CENPI: variants seen among roughly 807,000 people sequenced by gnomAD.
CENPI encodes the protein FSH primary response 1.
A neutral mutation model predicts 60.4 loss-of-function variants in CENPI; 4 were observed. The ratio of observed to expected loss-of-function variants is 0.07; its 90% CI spans 0.03 to 0.15. CENPI has a LOEUF of 0.15. Ranked by LOEUF, CENPI falls within the 10% of genes least tolerant of loss-of-function variation. The pLI, the probability that CENPI is intolerant of heterozygous loss-of-function variation, is 1.00. For synonymous variants in CENPI, 157 were observed against 189.4 expected (o/e 0.83, Z 1.40); for missense variants, 444 against 534.5 (o/e 0.83, Z 1.67).
chrX:101,113,248 G>C (rs1316159016), intron 6 of CENPI, among the ~76,000 whole-genome samples: 1 of 102,286 alleles, frequency 9.8e-6, no homozygotes, highest in African/African-American at 3.6e-5. Flanking sequence ...GTTGTTGTCT[G>C]GTTTTAGTTT....
At chrX:101,175,886 A>T in the CENPI span, among the ~76,000 whole-genome samples, 824 of 111,344 alleles carry the variant, frequency 7.4e-3, 8 homozygotes, top group African/African-American at 0.025. Flanking sequence ...TATTCCTTCT[A>T]TCTAACTGAA....
intron 8 of CENPI, among the ~76,000 whole-genome samples, chrX:101,124,090 AGTGTGTGTGTGTGTGTGTGTGTGTGTGT>A (rs397842781): frequency 6.8e-5 from 6 of 88,259 alleles, no homozygotes; most frequent in Non-Finnish European, 1.3e-4. Context: ...TATAGAATCA[AGTGTGTGTGTGTGTGTGTGTGTGTGTGT>A]GTGTGTGTGT....
At chrX:101,147,231 T>G (rs1451588723) in intron 18 of CENPI, among the ~76,000 whole-genome samples, 1 of 111,340 alleles carries the variant, frequency 9.0e-6, no homozygotes, top group Non-Finnish European at 1.9e-5. Flanking sequence ...TTTTTTATTA[T>G]TTTACTTTAA....
chrX:101,161,983 C>T (rs1261857447), intron 21 of CENPI, among the ~76,000 whole-genome samples: 2 of 109,714 alleles, frequency 1.8e-5, no homozygotes, highest in Non-Finnish European at 3.8e-5. Context: ...CTCTGTCCCC[C>T]AGGCTGGAGT....
chrX:101,116,286 A>G (rs745340498), intron 6 of CENPI, among the ~76,000 whole-genome samples: 47 of 109,752 alleles, frequency 4.3e-4, no homozygotes, highest in Non-Finnish European at 7.0e-4. Flanking sequence ...TTAAAACATT[A>G]TGAGATTTTT....
chrX:101,155,877 T>G (rs1043371668), intron 20 of CENPI, among the ~76,000 whole-genome samples: 1 of 112,584 alleles, frequency 8.9e-6, no homozygotes, highest in Non-Finnish European at 1.9e-5. Context: ...GATTGTCATG[T>G]AAGACTTTTA....
At chrX:101,119,875 C>T (rs2089659059) in intron 6 of CENPI, among the ~76,000 whole-genome samples, 1 of 111,384 alleles carries the variant, frequency 9.0e-6, no homozygotes, top group Non-Finnish European at 1.9e-5. Flanking sequence ...TAAGTATGGG[C>T]CAGGTGCAGT....
chrX:101,122,870 AAAAC>A (rs767723252), intron 8 of CENPI, among the ~76,000 whole-genome samples: 75 of 111,768 alleles, frequency 6.7e-4, no homozygotes, highest in Middle Eastern at 4.6e-3. Flanking sequence ...CGTCTCCAAA[AAAAC>A]AAACAAACAA....
At chrX:101,178,398 CTTTTT>C in the CENPI span, among the ~76,000 whole-genome samples, 18 of 39,980 alleles carry the variant, frequency 4.5e-4, no homozygotes, top group Non-Finnish European at 4.8e-4. Flanking sequence ...TTTTCTTCTT[CTTTTT>C]TTTTTTTTTT....
chrX:101,100,576 C>A (rs1172913566), intron 2 of CENPI: 1 of 112,972 alleles, frequency 8.9e-6, no homozygotes, highest in Non-Finnish European at 1.8e-5. Flanking sequence ...CCACCATGCC[C>A]AACTAGTTTT....
At chrX:101,168,934 G>A (rs1316496316), downstream of CENPI, among the ~76,000 whole-genome samples, 2 of 112,086 alleles carry the variant, frequency 1.8e-5, no homozygotes, top group African/African-American at 6.5e-5. Context: ...CAGGAAAAAA[G>A]ACTAGAAATT....
chrX:101,140,223 A>G (rs748498710), intron 15 of CENPI, among the ~76,000 whole-genome samples: 7 of 111,743 alleles, frequency 6.3e-5, no homozygotes, highest in Admixed American at 5.7e-4. Context: ...TTTTTTTTTC[A>G]AAGTCACAGA....
At position 101,102,021 on chromosome X, in the gene CENPI, G is replaced by A. The variant is rs184017971; in HGVS notation, c.227-253G>A. Among the ~76,000 whole-genome samples the A allele has an allele frequency of 6.6e-4, 74 of 111,790 alleles. 1 individual carries two copies. Among genetic ancestry groups the A allele is most frequent in the South Asian group, 2.6e-3 (7 of 2,695 alleles). Reference sequence around the variant, plus strand: ...CCTGAGGAGCTGGGACCACAGGTGCGTGCCAGCATGCCCAGCTAGTTTTTA... The same window carrying A: ...CCTGAGGAGCTGGGACCACAGGTGCATGCCAGCATGCCCAGCTAGTTTTTA... On this transcript the variant is annotated intron_variant, in intron 3 of 21. Coordinates refer to ENST00000682095, the MANE Select transcript of CENPI (RefSeq NM_001386188.2).
chrX:101,162,455 CAAA>C (rs1190768253), intron 21 of CENPI, among the ~76,000 whole-genome samples: 47 of 53,932 alleles, frequency 8.7e-4, no homozygotes, highest in African/African-American at 1.7e-3. Context: ...AACCGTATCT[CAAA>C]AAAAAAAAAA....
At chrX:101,125,544 G>A (rs140519909) in intron 8 of CENPI, among the ~76,000 whole-genome samples, 1,484 of 110,895 alleles carry the variant, frequency 0.013, 27 homozygotes, top group African/African-American at 0.046. Flanking sequence ...CTACAGGTGT[G>A]CACCATCACA....
At chrX:101,124,837 A>G (rs984408560) in intron 8 of CENPI, among the ~76,000 whole-genome samples, 2 of 111,888 alleles carry the variant, frequency 1.8e-5, no homozygotes, top group Non-Finnish European at 3.8e-5. Flanking sequence ...AGCCACGTGG[A>G]ACTGTGAGTC....
Position 101,147,928 on chromosome X carries a change from T to C in CENPI, c.1876-15T>C. 8.3e-7 allele frequency: 1 copy of C among 1,198,511 alleles called. No homozygotes were observed. Among genetic ancestry groups the C allele is most frequent in the East Asian group, 3.0e-5 (1 of 33,767 alleles). The stretch of plus-strand genomic sequence containing the variant: ...AATAGGTGATAGTGACAATTTTTTA[T>C]TTCTTTCCCATTAGACAAAATCAGA... On this transcript the variant is annotated splice_polypyrimidine_tract_variant and intron_variant, in intron 19 of 21. Coordinates refer to ENST00000682095, the MANE Select transcript of CENPI (RefSeq NM_001386188.2).
At chrX:101,114,121 G>A (rs1234650725) in intron 6 of CENPI, among the ~76,000 whole-genome samples, 1 of 111,706 alleles carries the variant, frequency 9.0e-6, no homozygotes, top group African/African-American at 3.3e-5. Context: ...GCCAGGCATG[G>A]TGACAGGCAC....
the CENPI span, among the ~76,000 whole-genome samples, chrX:101,180,785 G>C: frequency 9.0e-6 from 1 of 110,919 alleles, no homozygotes; most frequent in Non-Finnish European, 1.9e-5. Context: ...TTTTGTTTTA[G>C]AGAGAGGGTC....
Sources: gnomAD v4.1 joint callset for allele counts (sites outside exome capture counted in the v4.1 genomes callset) on GRCh38, gnomAD v4.1.1 for gene constraint, MANE v1.5 for transcripts, NCBI Gene and HGNC (gene_info 2026-07-23, HGNC 2026-07-21) for gene names.